Variants in ZSCAN25 observed in about 807,000 individuals in gnomAD.
ZSCAN25 encodes zinc finger and SCAN domain-containing protein 25.
ZSCAN25 carries 27 observed loss-of-function variants against 38.7 expected under a neutral mutation model. That is an observed-to-expected ratio of 0.70 (90% CI 0.51 to 0.96). The LOEUF is 0.96. Ranked by LOEUF, ZSCAN25 falls within the 40% of genes least tolerant of loss-of-function variation. The probability of loss-of-function intolerance (pLI) is 0.00; values close to 1 mark genes in which losing one functional copy is unlikely to be tolerated. For missense variants in ZSCAN25, 637 were observed against 705.9 expected, an observed-to-expected ratio of 0.90 and a Z score of 1.11; for synonymous variants, 273 against 277.7, an observed-to-expected ratio of 0.98 and a Z score of 0.17.
the ZSCAN25 span, chr7:99,660,445 C>T: frequency 6.5e-7 from 1 of 1,528,476 alleles, no homozygotes; most frequent in Non-Finnish European, 8.8e-7. Context: ...GGTGAGGAGG[C>T]ATTTTTGCTA....
At chr7:99,694,385 A>C in the ZSCAN25 span, among the ~76,000 whole-genome samples, 1 of 152,216 alleles carries the variant, frequency 6.6e-6, no homozygotes, top group African/African-American at 2.4e-5. Context: ...TGAGTGACAG[A>C]ATGACAAAGT....
At chr7:99,688,364 T>C in the ZSCAN25 span, among the ~76,000 whole-genome samples, 2 of 151,544 alleles carry the variant, frequency 1.3e-5, no homozygotes, top group Admixed American at 6.6e-5. Context: ...AAGGCAGGGG[T>C]TGGAATCCTA....
the ZSCAN25 span, chr7:99,663,973 GT>G: frequency 6.3e-7 from 1 of 1,580,408 alleles, no homozygotes; most frequent in Non-Finnish European, 8.5e-7. Context: ...TTTACCTTTT[GT>G]TTGTCGTTGA....
the ZSCAN25 span, chr7:99,685,079 G>A: frequency 8.3e-7 from 1 of 1,202,878 alleles, no homozygotes; most frequent in East Asian, 2.4e-5. Context: ...AGTAATTTGA[G>A]GTCTCTGGTG....
the ZSCAN25 span, chr7:99,671,868 G>A: frequency 5.4e-5 from 38 of 702,674 alleles, no homozygotes; most frequent in South Asian, 1.3e-4. Context: ...GGTGCTGGTC[G>A]TTGCACAAAT....
At chr7:99,710,319 T>C in the ZSCAN25 span, among the ~76,000 whole-genome samples, 1 of 152,182 alleles carries the variant, frequency 6.6e-6, no homozygotes, top group Non-Finnish European at 1.5e-5. Flanking sequence ...ATGAGACACA[T>C]GTGGGGCAGA....
Position 99,619,681 on chromosome 7 carries a change from A to G in ZSCAN25, c.75A>G (p.Lys25=). The change falls in exon 4 of 8, where the codon AAA becomes AAG. Residue 25 remains lysine (K), a synonymous_variant. Transcript: ENST00000394152. ...GTATTCCTGTGGTGAAACTGGAGAA[A>G]GAGTTGCCATGGGGCAGAGGAAGGG... ...QLGIPVVKLE[K]ELPWGRGRED... 1 of 1,614,256 alleles carries G rather than the reference A, an allele frequency of 6.2e-7. No homozygotes were observed. The highest frequency in any genetic ancestry group is 8.5e-7 in the Non-Finnish European group (1 of 1,180,054).
rs1808017429 is a variant in ZSCAN25, at chr7:99,631,786, A to G, written c.*1766A>G. 3 of 985,434 alleles carry G rather than the reference A, an allele frequency of 3.0e-6. No individual in the cohort carries two copies. Among genetic ancestry groups the G allele is most frequent in the South Asian group, 9.4e-5 (2 of 21,284 alleles). The allele number at this position is 985,434 out of a possible 1,614,324, so 61.0% of individuals were successfully genotyped here. On this transcript the variant is annotated 3_prime_UTR_variant, in exon 8 of 8. Transcript: ENST00000394152. ...CGCTCCTTGGTCTTCCTGGCTCATT[A>G]GCTGTGCCCACGAGGCTGCACTGAC...
the ZSCAN25 span, chr7:99,650,359 G>T: frequency 1.2e-6 from 1 of 838,614 alleles, no homozygotes; most frequent in Non-Finnish European, 1.9e-6. Flanking sequence ...ATACTTTTGT[G>T]GGCTGGTCAT....
chr7:99,628,419 G>A (rs747477352), intron 7 of ZSCAN25, among the ~76,000 whole-genome samples: 3 of 150,716 alleles, frequency 2.0e-5, no homozygotes, highest in Non-Finnish European at 4.4e-5. Flanking sequence ...TCCCCTTTCT[G>A]TTACTCTTCC....
chr7:99,676,756 C>T, the ZSCAN25 span, among the ~76,000 whole-genome samples: 10 of 152,160 alleles, frequency 6.6e-5, no homozygotes, highest in African/African-American at 2.4e-4. Flanking sequence ...TAGGATCTAG[C>T]CCTTCTTAAA....
the ZSCAN25 span, among the ~76,000 whole-genome samples, chr7:99,652,009 C>T: frequency 2.0e-5 from 3 of 152,078 alleles, no homozygotes; most frequent in Admixed American, 6.5e-5. Flanking sequence ...TAGCAAGTAA[C>T]GTTGAAAGCA....
At chr7:99,710,929 T>C in the ZSCAN25 span, 1 of 1,613,086 alleles carries the variant, frequency 6.2e-7, no homozygotes, top group East Asian at 2.2e-5. Flanking sequence ...GTAAATCAGG[T>C]CAATGTAGGG....
chr7:99,686,530 A>C, the ZSCAN25 span, among the ~76,000 whole-genome samples: 9 of 152,216 alleles, frequency 5.9e-5, no homozygotes, highest in Non-Finnish European at 1.2e-4. Flanking sequence ...GGTGGAGCCC[A>C]CCACGGCTCA....
chr7:99,704,804 A>G, the ZSCAN25 span, among the ~76,000 whole-genome samples: 6 of 152,054 alleles, frequency 3.9e-5, no homozygotes, highest in African/African-American at 1.2e-4. Context: ...TGTACTAAAA[A>G]TAGAAAAATT....
the ZSCAN25 span, chr7:99,671,321 G>A: frequency 6.6e-6 from 1 of 152,518 alleles, no homozygotes; most frequent in Non-Finnish European, 1.5e-5. Flanking sequence ...CAAGGGACAA[G>A]AAAAGCTAAA....
At chr7:99,722,394 C>A in the ZSCAN25 span, 8 of 1,604,400 alleles carry the variant, frequency 5.0e-6, no homozygotes, top group Admixed American at 1.3e-4. Flanking sequence ...TTTAAGTGTA[C>A]TTAACCCTGC....
At chr7:99,652,779 C>T in the ZSCAN25 span, 8 of 1,611,696 alleles carry the variant, frequency 5.0e-6, no homozygotes, top group Non-Finnish European at 6.8e-6. Flanking sequence ...GTAGGTGGTG[C>T]CTGGAAGGAA....
At chr7:99,672,664 T>C in the ZSCAN25 span, 20 of 1,614,002 alleles carry the variant, frequency 1.2e-5, no homozygotes, top group South Asian at 1.4e-4. Flanking sequence ...GCACAGGGAG[T>C]TGACCTTCAT....
Sources: gnomAD v4.1 joint callset for allele counts (sites outside exome capture counted in the v4.1 genomes callset) on GRCh38, gnomAD v4.1.1 for gene constraint, MANE v1.5 for transcripts, NCBI Gene and HGNC (gene_info 2026-07-23, HGNC 2026-07-21) for gene names.